Variants in KIF13B observed in about 807,000 individuals in gnomAD.
KIF13B encodes kinesin-like protein KIF13B.
Under a neutral mutation model 222.0 loss-of-function variants are expected in KIF13B, and 127 were observed. That is an observed-to-expected ratio of 0.57 (90% CI 0.50 to 0.66). The LOEUF is 0.66. Ranked by LOEUF, KIF13B falls within the 30% of genes least tolerant of loss-of-function variation. KIF13B has a pLI of 0.00. For synonymous variants in KIF13B, 976 were observed against 919.0 expected, an observed-to-expected ratio of 1.06 and a Z score of -1.12; for missense variants, 2,173 against 2,379.0, an observed-to-expected ratio of 0.91 and a Z score of 1.80.
chr8:29,119,472 C>A (rs887951862), intron 29 of KIF13B, among the ~76,000 whole-genome samples: 1 of 152,172 alleles, frequency 6.6e-6, no homozygotes, highest in Non-Finnish European at 1.5e-5. Context: ...CTCCCCACTC[C>A]CCTTCACCTG....
At chr8:29,250,091 C>T in intron 1 of KIF13B, 1 of 1,253,394 alleles carries the variant, frequency 8.0e-7, no homozygotes, top group Non-Finnish European at 1.0e-6. Context: ...AAATCTGTAT[C>T]ATACACAAGC....
chr8:29,250,394 T>C (rs1816231847), intron 1 of KIF13B, among the ~76,000 whole-genome samples: 4 of 152,198 alleles, frequency 2.6e-5, no homozygotes, highest in Non-Finnish European at 5.9e-5. Flanking sequence ...TGCCACCCCC[T>C]ACACCATGCA....
Position 29,109,417 on chromosome 8 carries a change from T to G in KIF13B, c.4161+17A>C, listed in dbSNP as rs773112487. 5 of 1,597,994 alleles carry G rather than the reference T, an allele frequency of 3.1e-6. No individual in the cohort carries two copies. The East Asian group carries it at 1.1e-4, about 36-fold the overall frequency. On this transcript the variant is annotated intron_variant, in intron 34 of 39. Coordinates refer to ENST00000524189, the MANE Select transcript of KIF13B (RefSeq NM_015254.4). ...GAAGTCCCAGGCACAGCACAGAGCT[T>G]GGTTCCACACACTCACTCTGTTCAC...
intron 35 of KIF13B, among the ~76,000 whole-genome samples, chr8:29,102,775 G>C (rs550883989): frequency 6.6e-4 from 101 of 152,296 alleles, no homozygotes; most frequent in African/African-American, 2.4e-3. Flanking sequence ...AAACCATCAC[G>C]GCTTTCAGGA....
chr8:29,078,711 T>C (rs1421349818), intron 37 of KIF13B, among the ~76,000 whole-genome samples: 2 of 152,254 alleles, frequency 1.3e-5, no homozygotes, highest in Non-Finnish European at 2.9e-5. Context: ...TATAATTATC[T>C]ACATTTCACA....
chr8:29,186,969 CAAAAAAA>C (rs766708048), intron 5 of KIF13B, among the ~76,000 whole-genome samples: 11 of 68,680 alleles, frequency 1.6e-4, no homozygotes, highest in East Asian at 1.2e-3. Flanking sequence ...ACTCCATCTC[CAAAAAAA>C]AAAAAAAAAA....
At chr8:29,136,149 G>A (rs1033104878) in intron 21 of KIF13B, among the ~76,000 whole-genome samples, 5 of 152,078 alleles carry the variant, frequency 3.3e-5, no homozygotes, top group Admixed American at 6.5e-5. Context: ...ACAATACTCT[G>A]CAATTAATTT....
intron 2 of KIF13B, among the ~76,000 whole-genome samples, chr8:29,215,327 G>A (rs114543477): frequency 0.01 from 1,542 of 152,230 alleles, 29 homozygotes; most frequent in African/African-American, 0.035. Context: ...AATAGGAACT[G>A]TCTTAGAGAA....
rs994234677 is a variant in KIF13B, at chr8:29,068,187, C to T, written c.*2317G>A. 1 of 152,244 alleles carries T rather than the reference C, an allele frequency of 6.6e-6. No individual in the cohort carries two copies. Among genetic ancestry groups the T allele is most frequent in the African/African-American group, 2.4e-5 (1 of 41,448 alleles). The allele number at this position is 152,244 out of a possible 1,614,324, so 9.4% of individuals were successfully genotyped here. ...ACTAAGGTGCCACTCCTGGGGCCTT[C>T]CAGGAGCGCATCGGGAGTCCTAAGG... On this transcript the variant is annotated 3_prime_UTR_variant, in exon 40 of 40. Coordinates refer to ENST00000524189, the MANE Select transcript of KIF13B (RefSeq NM_015254.4). The surrounding 1 kb of genome is among the most constrained non-coding windows in gnomAD (Gnocchi z 4.4).
At chr8:29,099,766 T>C (rs542550208) in intron 35 of KIF13B, among the ~76,000 whole-genome samples, 2 of 152,308 alleles carry the variant, frequency 1.3e-5, no homozygotes, top group East Asian at 1.9e-4. Flanking sequence ...AGCCCCTCCA[T>C]ACTGCAGTTT....
chr8:29,254,141 G>A (rs1816384299), intron 1 of KIF13B, among the ~76,000 whole-genome samples: 1 of 152,184 alleles, frequency 6.6e-6, no homozygotes, highest in South Asian at 2.1e-4. Flanking sequence ...ATATCCACAT[G>A]CCAAAGAATG....
chr8:29,084,351 T>C (rs1174672347), intron 37 of KIF13B, among the ~76,000 whole-genome samples: 1 of 152,240 alleles, frequency 6.6e-6, no homozygotes. Context: ...TTAGTATTTG[T>C]GCTTGTTTCT....
chr8:29,070,462 G>A lies in KIF13B; in HGVS notation c.*42C>T, dbSNP rs1307540804. ...GGGCTGTCACTGGCAGGGCTCAAAA[G>A]GGGCCGGGCACCCCCAGAAAAGTTC... On this transcript the variant is annotated 3_prime_UTR_variant, in exon 40 of 40. Coordinates refer to ENST00000524189, the MANE Select transcript of KIF13B (RefSeq NM_015254.4). This position sits in a 1 kb window ranked among gnomAD's most constrained non-coding sequence, Gnocchi z 4.1. 3.8e-6 allele frequency: 6 copies of A among 1,599,168 alleles called. No homozygotes were observed. In the African/African-American group the frequency reaches 8.0e-5, roughly 21 times the overall value.
chr8:29,256,212 T>C (rs1816472634), intron 1 of KIF13B, among the ~76,000 whole-genome samples: 1 of 152,134 alleles, frequency 6.6e-6, no homozygotes, highest in African/African-American at 2.4e-5. Context: ...TTCCCACACC[T>C]CCACCCTAAA....
chr8:29,114,968 A>G (rs1447367959), intron 31 of KIF13B, among the ~76,000 whole-genome samples: 1 of 152,222 alleles, frequency 6.6e-6, no homozygotes, highest in East Asian at 1.9e-4. Context: ...AAAGGAAGAC[A>G]GAGAGAGTGA....
At chr8:29,253,798 C>T (rs917200936) in intron 1 of KIF13B, among the ~76,000 whole-genome samples, 4 of 141,240 alleles carry the variant, frequency 2.8e-5, no homozygotes, top group African/African-American at 1.1e-4. Context: ...ACATTACACT[C>T]CAGCCTGGGT....
At chr8:29,190,761 G>A in intron 4 of KIF13B, 3 of 506,670 alleles carry the variant, frequency 5.9e-6, no homozygotes, top group Middle Eastern at 5.5e-4. Flanking sequence ...CCCAGGTAGA[G>A]AGCATCGGAA....
intron 35 of KIF13B, among the ~76,000 whole-genome samples, chr8:29,099,918 C>CT (rs1808713729): frequency 6.6e-6 from 1 of 152,124 alleles, no homozygotes; most frequent in Non-Finnish European, 1.5e-5. Flanking sequence ...TCAAGATACC[C>CT]TTTTTCACTC....
chr8:29,254,403 C>T (rs1371454950), intron 1 of KIF13B, among the ~76,000 whole-genome samples: 1 of 152,166 alleles, frequency 6.6e-6, no homozygotes, highest in Non-Finnish European at 1.5e-5. Context: ...AAAATATTTG[C>T]AAATCATCTA....
Sources: allele counts gnomAD v4.1 joint callset (sites outside exome capture counted in the v4.1 genomes callset), GRCh38; gene constraint gnomAD v4.1.1; non-coding constraint Gnocchi (gnomAD v3.1); transcripts MANE v1.5; gene names NCBI Gene and HGNC (gene_info 2026-07-23, HGNC 2026-07-21).